HMGCLL1: variants seen among roughly 807,000 people sequenced by gnomAD.
The protein encoded by HMGCLL1 is 3-hydroxy-3-methylglutaryl-CoA lyase like 1, also known as 3-hydroxymethyl-3-methylglutaryl-CoA lyase, cytoplasmic.
HMGCLL1 carries 36 observed loss-of-function variants against 39.1 expected under a neutral mutation model. The ratio of observed to expected loss-of-function variants is 0.92; its 90% CI spans 0.71 to 1.22. The LOEUF is 1.22. HMGCLL1 is among the 50% of genes most tolerant of loss of function. The pLI is 0.00. For synonymous variants in HMGCLL1, 149 were observed against 144.0 expected (o/e 1.03, Z -0.25); for missense variants, 451 against 416.5 (o/e 1.08, Z -0.72).
At chr6:55,543,696 A>T (rs1255140340) in intron 1 of HMGCLL1, among the ~76,000 whole-genome samples, 1 of 149,984 alleles carries the variant, frequency 6.7e-6, no homozygotes, top group Non-Finnish European at 1.5e-5. Flanking sequence ...TCTCTTAAAA[A>T]AAACAAAAAA....
chr6:55,546,228 A>AT (rs1438342499), intron 1 of HMGCLL1, among the ~76,000 whole-genome samples: 1 of 152,068 alleles, frequency 6.6e-6, no homozygotes, highest in Admixed American at 6.6e-5. Flanking sequence ...GATTTTATTG[A>AT]TTTTATTGAT....
the HMGCLL1 span, among the ~76,000 whole-genome samples, chr6:55,603,969 T>C: frequency 6.6e-6 from 1 of 152,172 alleles, no homozygotes; most frequent in Non-Finnish European, 1.5e-5. Flanking sequence ...CATAAGTACA[T>C]ACAAAAATTA....
At chr6:55,598,836 CTAT>C in the HMGCLL1 span, among the ~76,000 whole-genome samples, 2 of 152,186 alleles carry the variant, frequency 1.3e-5, no homozygotes, top group South Asian at 4.1e-4. Flanking sequence ...GTAATGATTA[CTAT>C]TATTTACTTT....
chr6:55,654,526 G>A, the HMGCLL1 span, among the ~76,000 whole-genome samples: 1 of 151,812 alleles, frequency 6.6e-6, no homozygotes, highest in Non-Finnish European at 1.5e-5. Flanking sequence ...ACTTTAGCAT[G>A]GACTACTATC....
At position 55,556,900 on chromosome 6, in the gene HMGCLL1, T is replaced by G. The variant is rs182804426; in HGVS notation, c.109-14760A>C. On this transcript the variant is annotated intron_variant, in intron 1 of 8. Transcript: ENST00000274901. ...TTACATCTTGATTTCTCCTGGAAGT[T>G]TGATGTAAAATGCATAGAAAGTCAG... 2.3e-3 allele frequency among the ~76,000 whole-genome samples: 348 copies of G among 152,234 alleles called. 2 individuals are homozygous for G. The highest frequency in any genetic ancestry group is 8.3e-3 in the African/African-American group (344 of 41,536).
intron 3 of HMGCLL1, among the ~76,000 whole-genome samples, chr6:55,531,171 C>T (rs1768645015): frequency 6.6e-6 from 1 of 152,178 alleles, no homozygotes; most frequent in Non-Finnish European, 1.5e-5. Flanking sequence ...CTTTCATTCC[C>T]TCTAGTCTAG....
the HMGCLL1 span, among the ~76,000 whole-genome samples, chr6:55,634,672 T>G: frequency 6.6e-6 from 1 of 152,156 alleles, no homozygotes; most frequent in Non-Finnish European, 1.5e-5. Context: ...AGAACTTTAC[T>G]TGATTGAAAC....
intron 1 of HMGCLL1, among the ~76,000 whole-genome samples, chr6:55,552,052 A>C (rs1270185059): frequency 1.3e-5 from 2 of 151,998 alleles, no homozygotes; most frequent in African/African-American, 2.4e-5. Flanking sequence ...ATGAAAGGAA[A>C]CTCAATTAAA....
chr6:55,652,534 G>T, the HMGCLL1 span, among the ~76,000 whole-genome samples: 26 of 152,208 alleles, frequency 1.7e-4, no homozygotes, highest in Non-Finnish European at 3.4e-4. Context: ...CCATGAGATA[G>T]AAAACAGGTA....
the HMGCLL1 span, among the ~76,000 whole-genome samples, chr6:55,622,183 T>C: frequency 6.6e-6 from 1 of 152,070 alleles, no homozygotes; most frequent in Non-Finnish European, 1.5e-5. Context: ...AGAGTCATTG[T>C]TTTTTCCAAA....
At chr6:55,546,510 C>T (rs1216804191) in intron 1 of HMGCLL1, among the ~76,000 whole-genome samples, 1 of 152,012 alleles carries the variant, frequency 6.6e-6, no homozygotes, top group East Asian at 1.9e-4. Flanking sequence ...CTAACACATG[C>T]TAAGTAGCAT....
chr6:55,664,819 C>T, the HMGCLL1 span, among the ~76,000 whole-genome samples: 2 of 151,670 alleles, frequency 1.3e-5, no homozygotes, highest in Admixed American at 1.3e-4. Flanking sequence ...TGGCAGCCCT[C>T]AGTCCTTTGC....
At chr6:55,663,907 C>A in the HMGCLL1 span, among the ~76,000 whole-genome samples, 1 of 151,556 alleles carries the variant, frequency 6.6e-6, no homozygotes, top group Non-Finnish European at 1.5e-5. Context: ...TGAATTGAAC[C>A]CTTTACCATT....
chr6:55,581,196 A>AG (rs1045045363), upstream of HMGCLL1, among the ~76,000 whole-genome samples: 7 of 152,094 alleles, frequency 4.6e-5, no homozygotes, highest in East Asian at 1.3e-3. Flanking sequence ...ATTTAGGGAA[A>AG]AAAAAATTAT....
chr6:55,464,734 C>T (rs1040679197), intron 7 of HMGCLL1, among the ~76,000 whole-genome samples: 5 of 152,084 alleles, frequency 3.3e-5, no homozygotes, highest in Admixed American at 6.6e-5. Context: ...TTTGGAATTA[C>T]GTGTTTGCTA....
chr6:55,486,853 T>C (rs1766059955), intron 7 of HMGCLL1, among the ~76,000 whole-genome samples: 2 of 152,146 alleles, frequency 1.3e-5, no homozygotes, highest in African/African-American at 4.8e-5. Context: ...AAGTCCACGA[T>C]AAAAGTGCTG....
intron 3 of HMGCLL1, among the ~76,000 whole-genome samples, chr6:55,540,254 G>C (rs1769347169): frequency 6.6e-6 from 1 of 152,012 alleles, no homozygotes; most frequent in African/African-American, 2.4e-5. Flanking sequence ...ACAGGTGTAG[G>C]CCATACTGAA....
the HMGCLL1 span, among the ~76,000 whole-genome samples, chr6:55,677,387 C>T: frequency 1.7e-4 from 26 of 152,188 alleles, no homozygotes; most frequent in South Asian, 2.7e-3. Context: ...AACAACCCCC[C>T]CGACACATAC....
At chr6:55,627,125 TAGA>T in the HMGCLL1 span, among the ~76,000 whole-genome samples, 3 of 150,326 alleles carry the variant, frequency 2.0e-5, no homozygotes, top group African/African-American at 4.9e-5. Context: ...GAAGGGGTAG[TAGA>T]AGAAGGTAGT....
Sources: gnomAD v4.1 joint callset for allele counts (sites outside exome capture counted in the v4.1 genomes callset) on GRCh38, gnomAD v4.1.1 for gene constraint, MANE v1.5 for transcripts, NCBI Gene and HGNC (gene_info 2026-07-23, HGNC 2026-07-21) for gene names.